The following MALRD1 variants were observed in gnomAD, a reference collection of about 807,000 sequenced individuals.
MALRD1 encodes MAM and LDL receptor class A domain containing 1.
A neutral mutation model predicts 242.1 loss-of-function variants in MALRD1; 247 were observed. That is an observed-to-expected ratio of 1.02 (90% CI 0.92 to 1.13). MALRD1 has a LOEUF of 1.13. MALRD1 is among the 50% of genes most tolerant of loss of function. The probability of loss-of-function intolerance (pLI) is 0.00; values close to 1 mark genes in which losing one functional copy is unlikely to be tolerated. For missense variants in MALRD1, 2,989 were observed against 2,533.1 expected (o/e 1.18, Z -3.86); for synonymous variants, 995 against 866.6 (o/e 1.15, Z -2.60).
At chr10:19,279,933 T>G in intron 19 of MALRD1, 114 bp from the exon 20 acceptor site, 1 of 796,132 alleles carries the variant, frequency 1.3e-6, no homozygotes, top group Admixed American at 3.7e-5. Context: ...TACTACCCAC[T>G]GTTCTCTATG....
At chr10:19,587,387 A>C (rs537352027) in intron 33 of MALRD1, among the ~76,000 whole-genome samples, 2 of 152,368 alleles carry the variant, frequency 1.3e-5, no homozygotes, top group South Asian at 4.1e-4. Flanking sequence ...TTTGGCAACA[A>C]CATAATTTCT....
intron 19 of MALRD1, among the ~76,000 whole-genome samples, chr10:19,269,143 A>G (rs538917981): frequency 6.6e-6 from 1 of 152,148 alleles, no homozygotes; most frequent in East Asian, 1.9e-4. Flanking sequence ...TTATAGGCCA[A>G]CAAAACCCTA....
At chr10:19,520,380 A>G (rs1024850555) in intron 31 of MALRD1, among the ~76,000 whole-genome samples, 5 of 150,476 alleles carry the variant, frequency 3.3e-5, no homozygotes, top group African/African-American at 9.7e-5. Context: ...CAAAACAAGT[A>G]TGTTTTTTCT....
chr10:19,352,023 C>T lies in MALRD1; in HGVS notation c.4167C>T (p.His1389=). 1 of 1,548,404 alleles carries T rather than the reference C, an allele frequency of 6.5e-7. No individual in the cohort carries two copies. Among genetic ancestry groups the T allele is most frequent in the East Asian group, 2.4e-5 (1 of 40,898 alleles). ...SKNCKIIFHY[H]MYGNGIGALT... is the part of the protein sequence containing the mutation. ...GATTACAGATTATTTTTCATTATCACATGTATGGAAATGGCATTGGGGCAC... is the reference window on the plus strand; with the variant it reads ...GATTACAGATTATTTTTCATTATCATATGTATGGAAATGGCATTGGGGCAC... Residue 1389 remains histidine, a synonymous_variant, in exon 26 of 40, where the codon CAC becomes CAT. Transcript: ENST00000454679.
intron 38 of MALRD1, among the ~76,000 whole-genome samples, chr10:19,693,414 A>G (rs1833204045): frequency 6.6e-6 from 1 of 152,170 alleles, no homozygotes; most frequent in Admixed American, 6.5e-5. Context: ...AATCACAAGC[A>G]TTCTTATACA....
intron 18 of MALRD1, among the ~76,000 whole-genome samples, chr10:19,228,637 G>GT (rs1837902812): frequency 1.3e-5 from 2 of 152,074 alleles, no homozygotes. Flanking sequence ...AATCTGCTGA[G>GT]TGCCAACTTG....
intron 28 of MALRD1, among the ~76,000 whole-genome samples, chr10:19,416,869 T>C (rs1833531665): frequency 6.6e-6 from 1 of 152,208 alleles, no homozygotes; most frequent in East Asian, 1.9e-4. Flanking sequence ...TGCTCTTTCT[T>C]CTTTAATTTG....
chr10:19,612,958 C>G (rs539803117), intron 35 of MALRD1, among the ~76,000 whole-genome samples: 7 of 152,130 alleles, frequency 4.6e-5, no homozygotes, highest in Non-Finnish European at 2.9e-5. Flanking sequence ...CTTATCACTG[C>G]TTAACAGGCT....
At chr10:19,171,466 G>GTA (rs1564440134) in intron 13 of MALRD1, among the ~76,000 whole-genome samples, 19 of 108,336 alleles carry the variant, frequency 1.8e-4, no homozygotes, top group Non-Finnish European at 2.2e-4. Flanking sequence ...ATACACACAT[G>GTA]TATATACACA....
intron 33 of MALRD1, among the ~76,000 whole-genome samples, chr10:19,580,841 C>A (rs1368987432): frequency 6.6e-6 from 1 of 152,072 alleles, no homozygotes; most frequent in Non-Finnish European, 1.5e-5. Flanking sequence ...GACATTTGGT[C>A]ATGGCCAAAC....
At chr10:19,661,019 C>A (rs942664100) in intron 36 of MALRD1, among the ~76,000 whole-genome samples, 1 of 152,058 alleles carries the variant, frequency 6.6e-6, no homozygotes, top group Admixed American at 6.6e-5. Flanking sequence ...ATGCAGCCAA[C>A]AGACACATGA....
At chr10:19,580,934 G>A (rs1837090741) in intron 33 of MALRD1, among the ~76,000 whole-genome samples, 1 of 151,422 alleles carries the variant, frequency 6.6e-6, no homozygotes, top group East Asian at 1.9e-4. Context: ...TAGTCAAATA[G>A]AGGTCAAATA....
At chr10:19,296,965 A>G (rs898799118) in intron 21 of MALRD1, among the ~76,000 whole-genome samples, 9 of 151,810 alleles carry the variant, frequency 5.9e-5, no homozygotes, top group South Asian at 2.1e-4. Context: ...TAGAAAGCTT[A>G]GAACCAAATT....
intron 13 of MALRD1, among the ~76,000 whole-genome samples, chr10:19,171,102 G>A (rs1277319957): frequency 6.6e-6 from 1 of 151,804 alleles, no homozygotes; most frequent in African/African-American, 2.4e-5. Flanking sequence ...CTTGTAAAAA[G>A]TAATCACTTG....
At chr10:19,281,395 C>A (rs937769847) in intron 20 of MALRD1, among the ~76,000 whole-genome samples, 3 of 152,030 alleles carry the variant, frequency 2.0e-5, no homozygotes, top group Admixed American at 2.0e-4. Context: ...TAGGGAATAC[C>A]GAATTTCCTC....
At chr10:19,181,045 A>G (rs1221952647) in intron 14 of MALRD1, among the ~76,000 whole-genome samples, 1 of 146,098 alleles carries the variant, frequency 6.8e-6, no homozygotes, top group Non-Finnish European at 1.5e-5. Context: ...TAGGATAGCT[A>G]TAATTAAAAA....
chr10:19,099,052 G>A (rs1347018529), intron 4 of MALRD1, among the ~76,000 whole-genome samples: 1 of 152,102 alleles, frequency 6.6e-6, no homozygotes, highest in Non-Finnish European at 1.5e-5. Context: ...CTAACTGGCT[G>A]GTGCCATGTT....
intron 14 of MALRD1, among the ~76,000 whole-genome samples, chr10:19,197,510 T>C (rs1000217727): frequency 1.3e-5 from 2 of 152,154 alleles, no homozygotes; most frequent in Non-Finnish European, 2.9e-5. Flanking sequence ...TCATTGTCCT[T>C]GTGACACCCT....
intron 5 of MALRD1, among the ~76,000 whole-genome samples, chr10:19,119,215 G>A (rs151183069): frequency 5.8e-4 from 89 of 152,226 alleles, no homozygotes; most frequent in African/African-American, 2.1e-3. Flanking sequence ...TCATTAACTG[G>A]GATAAGAAAG....
Sources: gnomAD v4.1 joint callset for allele counts (sites outside exome capture counted in the v4.1 genomes callset) on GRCh38, gnomAD v4.1.1 for gene constraint, MANE v1.5 for transcripts, NCBI Gene and HGNC (gene_info 2026-07-23, HGNC 2026-07-21) for gene names.